Variants in ADPRM observed in about 807,000 individuals in gnomAD.
The protein encoded by ADPRM is manganese-dependent ADP-ribose/CDP-alcohol diphosphatase.
ADPRM carries 17 observed loss-of-function variants against 27.2 expected under a neutral mutation model. That is an observed-to-expected ratio of 0.63 (90% CI 0.43 to 0.94). The LOEUF (loss-of-function observed/expected upper bound fraction) is 0.94. Among genes scored for constraint, ADPRM ranks in the 40% least tolerant of loss-of-function variants. The pLI is 0.00. For missense variants in ADPRM, 337 were observed against 412.8 expected (o/e 0.82, Z 1.59); for synonymous variants, 135 against 145.3 (o/e 0.93, Z 0.51).
rs202121379 is a variant in ADPRM, at chr17:10,705,388, A to T, written c.462A>T (p.Pro154=). 1 of 1,614,014 alleles carries T rather than the reference A, an allele frequency of 6.2e-7. No homozygotes were observed. Among genetic ancestry groups the T allele is most frequent in the East Asian group, 2.2e-5 (1 of 44,872 alleles). The change falls in exon 2 of 4, where the codon CCA becomes CCT. Residue 154 remains proline (P), a synonymous_variant. Coordinates refer to ENST00000379774, the MANE Select transcript of ADPRM (RefSeq NM_020233.5). This position sits in a 1 kb window ranked among gnomAD's most constrained non-coding sequence, Gnocchi z 5.4. The part of the protein sequence containing the change: ...SEDYYAYHFV[P]FPKFRFILLD... The stretch of plus-strand genomic sequence containing the variant: ...ATTATTATGCTTATCATTTTGTACC[A>T]TTCCCTAAATTCCGGTTCATTTTAC...
At position 10,705,402 on chromosome 17, in the gene ADPRM, G is replaced by A. The variant is rs752469408; in HGVS notation, c.476G>A (p.Arg159Gln). Residue 159 changes from arginine (R) to glutamine (Q), a missense_variant, in exon 2 of 4, where the codon CGG (arginine) becomes CAG (glutamine). Physicochemically the swap from Arg to Gln is conservative, Grantham distance 43 (BLOSUM62 1). Transcript: ENST00000379774. The surrounding 1 kb of genome is among the most constrained non-coding windows in gnomAD (Gnocchi z 5.4). ...AYHFVPFPKF[R>Q]FILLDAYDLS... Reference sequence around the variant, plus strand: ...CATTTTGTACCATTCCCTAAATTCCGGTTCATTTTACTTGATGCATATGAC... The same window carrying A: ...CATTTTGTACCATTCCCTAAATTCCAGTTCATTTTACTTGATGCATATGAC... 5.0e-6 allele frequency: 8 copies of A among 1,613,870 alleles called. No homozygotes were observed. The highest frequency in any genetic ancestry group is 2.2e-5 in the East Asian group (1 of 44,870).
Position 10,711,104 on chromosome 17 carries a change from G to T in ADPRM, c.989G>T (p.Arg330Ile). The T allele has an allele frequency of 6.2e-7, 1 of 1,611,422 alleles. No individual in the cohort carries two copies. Among genetic ancestry groups the T allele is most frequent in the South Asian group, 1.1e-5 (1 of 90,976 alleles). ...AAAGGGAGAGGCAGAGTTCCAGATA[G>T]AATTATGAATTACAAGAAAGAAAGA... is the stretch of plus-strand genomic sequence containing the variant. ...MLKGRGRVPD[R>I]IMNYKKERAF... is the part of the protein sequence containing the mutation. Residue 330 changes from arginine to isoleucine, a missense_variant, in exon 4 of 4, where the codon AGA (arginine) becomes ATA (isoleucine). By Grantham distance (97) the Arg-to-Ile change is moderately conservative. Coordinates refer to ENST00000379774, the MANE Select transcript of ADPRM (RefSeq NM_020233.5).
chr17:10,701,591 A>G (rs2074779269), intron 1 of ADPRM, among the ~76,000 whole-genome samples: 1 of 152,182 alleles, frequency 6.6e-6, no homozygotes, highest in Non-Finnish European at 1.5e-5. Flanking sequence ...GGCCTCCCAA[A>G]GTGCTGGGAT....
At chr17:10,710,784 A>T in intron 3 of ADPRM, 50 bp from the exon 4 acceptor site, 1 of 1,526,464 alleles carries the variant, frequency 6.6e-7, no homozygotes. Flanking sequence ...ATTTTTATAG[A>T]AGAGATATTT....
intron 1 of ADPRM, among the ~76,000 whole-genome samples, chr17:10,699,951 C>G (rs925202104): frequency 1.3e-5 from 2 of 152,202 alleles, no homozygotes; most frequent in African/African-American, 4.8e-5. Context: ...TGACTGGGGA[C>G]AGCTAGGCCC....
rs2151459770 is a variant in ADPRM at position 10,697,626 on chromosome 17, AGCCCGTAGT to A, written c.-58_-50del. On this transcript the variant is annotated 5_prime_UTR_variant, in exon 1 of 4. Coordinates refer to ENST00000379774, the MANE Select transcript of ADPRM (RefSeq NM_020233.5). ...CCGCTCGTTGGTGGCGCTGTTACAT[AGCCCGTAGT>A]CAGAGGCCTTTCAGCCCAGGGGCCG... The A allele has an allele frequency of 7.7e-7, 1 of 1,292,330 alleles. No individual in the cohort carries two copies. Among genetic ancestry groups the A allele is most frequent in the East Asian group, 2.5e-5 (1 of 40,416 alleles). The allele number at this position is 1,292,330 out of a possible 1,614,324, so 80.1% of individuals were successfully genotyped here. A position where few individuals can be genotyped will look rare whatever the true frequency, so the allele number is the denominator to read the frequency against.
At chr17:10,699,593 C>G (rs1217428742) in intron 1 of ADPRM, among the ~76,000 whole-genome samples, 1 of 145,976 alleles carries the variant, frequency 6.9e-6, no homozygotes, top group African/African-American at 2.6e-5. Flanking sequence ...GGTGCGATCT[C>G]AGCTCACTGC....
At chr17:10,704,497 A>C (rs973434791) in intron 1 of ADPRM, among the ~76,000 whole-genome samples, 3 of 152,004 alleles carry the variant, frequency 2.0e-5, no homozygotes, top group African/African-American at 7.2e-5. Flanking sequence ...AAAAAAAAAA[A>C]AAAAAAAAAA....
intron 1 of ADPRM, among the ~76,000 whole-genome samples, chr17:10,701,741 A>G (rs550135522): frequency 1.3e-5 from 2 of 152,176 alleles, no homozygotes; most frequent in Non-Finnish European, 2.9e-5. Flanking sequence ...TCTGTATTTG[A>G]TGGAGGGAGG....
Position 10,704,999 on chromosome 17 carries a change from G to T in ADPRM, c.73G>T (p.Asp25Tyr). 6.2e-7 allele frequency: 1 copy of T among 1,614,174 alleles called. No individual in the cohort carries two copies. Among genetic ancestry groups the T allele is most frequent in the Non-Finnish European group, 8.5e-7 (1 of 1,180,030 alleles). Residue 25 changes from aspartate to tyrosine, a missense_variant, in exon 2 of 4, where the codon GAT (aspartate) becomes TAT (tyrosine). Physicochemically the swap from Asp to Tyr is radical, Grantham distance 160 (BLOSUM62 -3). Coordinates refer to ENST00000379774, the MANE Select transcript of ADPRM (RefSeq NM_020233.5). The stretch of plus-strand genomic sequence containing the variant: ...TCTTTTCTCCTTTGGCGTCATCGCA[G>T]ATGTTCAATTTGCAGACTTAGAAGA... ...ERLFSFGVIA[D>Y]VQFADLEDGF...
Position 10,711,546 on chromosome 17 carries a change from A to T in ADPRM, c.*402A>T, listed in dbSNP as rs1457856688. 6.6e-6 allele frequency among the ~76,000 whole-genome samples: 1 copy of T among 152,124 alleles called. No homozygotes were observed. Among genetic ancestry groups the T allele is most frequent in the Non-Finnish European group, 1.5e-5 (1 of 68,022 alleles). On this transcript the variant is annotated 3_prime_UTR_variant, in exon 4 of 4. Transcript: ENST00000379774. ...CTGCTGTGTAAATGAGCTTTGGACA[A>T]TTTCTGCTCAGAACACCTATACTTG...
At chr17:10,709,347 C>T (rs369001839) in intron 3 of ADPRM, among the ~76,000 whole-genome samples, 39 of 152,174 alleles carry the variant, frequency 2.6e-4, no homozygotes, top group South Asian at 4.2e-4. Flanking sequence ...AGATAATAAA[C>T]GTGGAAGTTG....
rs1022345156 is a variant in ADPRM, at chr17:10,705,500, C to G, written c.574C>G (p.Pro192Ala). The G allele has an allele frequency of 2.0e-5, 32 of 1,613,668 alleles. No homozygotes were observed. The highest frequency in any genetic ancestry group is 2.7e-5 in the Non-Finnish European group (32 of 1,179,888). ...TATGAAGATATTGAGGGAGCACAAT[C>G]CAAATACGGAACTGAATAGTCCTCA... ...QCMKILREHN[P>A]NTELNSPQGL... The change falls in exon 2 of 4, where the codon CCA becomes GCA. Residue 192 changes from proline to alanine, a missense_variant. Coordinates refer to ENST00000379774, the MANE Select transcript of ADPRM (RefSeq NM_020233.5). This position sits in a 1 kb window ranked among gnomAD's most constrained non-coding sequence, Gnocchi z 5.4.
chr17:10,703,678 A>G (rs886399076), intron 1 of ADPRM, among the ~76,000 whole-genome samples: 2 of 152,212 alleles, frequency 1.3e-5, no homozygotes, highest in Admixed American at 6.5e-5. Flanking sequence ...CTCTGTAGAT[A>G]TATTTGTCAA....
chr17:10,705,461 A>G lies in ADPRM; in HGVS notation c.535A>G (p.Lys179Glu). ...SVLGVDQSSP[K>E]YEQCMKILRE... The stretch of plus-strand genomic sequence containing the variant: ...CTTGGGCGTGGATCAGTCTTCTCCA[A>G]AATACGAGCAGTGTATGAAGATATT... The change falls in exon 2 of 4, where the codon AAA becomes GAA. Residue 179 changes from lysine (K) to glutamate (E), a missense_variant. Transcript: ENST00000379774. The surrounding 1 kb of genome is among the most constrained non-coding windows in gnomAD (Gnocchi z 5.4). The G allele has an allele frequency of 6.2e-7, 1 of 1,614,090 alleles. No homozygotes were observed. Among genetic ancestry groups the G allele is most frequent in the Non-Finnish European group, 8.5e-7 (1 of 1,180,034 alleles).
At chr17:10,707,680 G>A (rs1469559878) in intron 3 of ADPRM, among the ~76,000 whole-genome samples, 1 of 152,206 alleles carries the variant, frequency 6.6e-6, no homozygotes, top group Non-Finnish European at 1.5e-5. Flanking sequence ...GGCCACTGCT[G>A]CCCAGATGCA....
At chr17:10,708,730 T>A (rs2074831292) in intron 3 of ADPRM, among the ~76,000 whole-genome samples, 1 of 152,186 alleles carries the variant, frequency 6.6e-6, no homozygotes, top group South Asian at 2.1e-4. Flanking sequence ...AGTTTTCCAC[T>A]CTCAGCCTGT....
rs2074808826 is a variant in ADPRM at position 10,705,768 on chromosome 17, A to ATT, written c.601+241_601+242insTT. On this transcript the variant is annotated intron_variant, in intron 2 of 3. Coordinates refer to ENST00000379774, the MANE Select transcript of ADPRM (RefSeq NM_020233.5). The surrounding 1 kb of genome is among the most constrained non-coding windows in gnomAD (Gnocchi z 5.4). ...TCTAGGGGTAGATATTCCGAGCTGT[A>ATT]AACAATACTAACAATATTACTTTTT... The ATT allele has an allele frequency of 1.8e-6, 1 of 550,156 alleles. No homozygotes were observed. Among genetic ancestry groups the ATT allele is most frequent in the African/African-American group, 1.9e-5 (1 of 52,832 alleles). 34.1% of individuals were successfully genotyped at this position (550,156 alleles called of 1,614,324 possible). A position where few individuals can be genotyped will look rare whatever the true frequency, so the allele number is the denominator to read the frequency against.
chr17:10,701,601 T>C (rs1799900812), intron 1 of ADPRM, among the ~76,000 whole-genome samples: 1 of 152,226 alleles, frequency 6.6e-6, no homozygotes, highest in African/African-American at 2.4e-5. Flanking sequence ...AGTGCTGGGA[T>C]TACAGGCGTG....
Sources: allele counts gnomAD v4.1 joint callset (sites outside exome capture counted in the v4.1 genomes callset), GRCh38; gene constraint gnomAD v4.1.1; non-coding constraint Gnocchi (gnomAD v3.1); transcripts MANE v1.5; gene names NCBI Gene and HGNC (gene_info 2026-07-23, HGNC 2026-07-21).